Variants in HAUS1 observed in about 807,000 individuals in gnomAD.
The protein encoded by HAUS1 is HAUS augmin like complex subunit 1, also known as HAUS augmin-like complex subunit 1.
Under a neutral mutation model 38.6 loss-of-function variants are expected in HAUS1, and 25 were observed. That is an observed-to-expected ratio of 0.65 (90% CI 0.47 to 0.91). HAUS1 has a LOEUF of 0.91. Ranked by LOEUF, HAUS1 falls within the 40% of genes least tolerant of loss-of-function variation. HAUS1 has a pLI of 0.00. For missense variants in HAUS1, 325 were observed against 328.4 expected (o/e 0.99, Z 0.08); for synonymous variants, 109 against 112.9 (o/e 0.97, Z 0.22).
At chr18:46,115,870 A>C (rs1911783831) in intron 2 of HAUS1, among the ~76,000 whole-genome samples, 1 of 152,084 alleles carries the variant, frequency 6.6e-6, no homozygotes, top group African/African-American at 2.4e-5. Flanking sequence ...TAATCTCAGC[A>C]CTTCGGGAGG....
chr18:46,107,849 T>C (rs1911517176), intron 2 of HAUS1, among the ~76,000 whole-genome samples: 1 of 152,166 alleles, frequency 6.6e-6, no homozygotes, highest in Non-Finnish European at 1.5e-5. Context: ...ATAAAACTTT[T>C]AGATGAAGTT....
intron 5 of HAUS1, 69 bp from the exon 6 acceptor site, chr18:46,123,226 AAAAG>A: frequency 9.2e-7 from 1 of 1,092,724 alleles, no homozygotes; most frequent in African/African-American, 1.6e-5. Context: ...AAAAAGAAGA[AAAAG>A]AAAAATATTT....
At chr18:46,127,971 GT>G (rs1420675965) in intron 8 of HAUS1, 103 bp from the exon 9 acceptor site, 36 of 590,370 alleles carry the variant, frequency 6.1e-5, no homozygotes, top group Non-Finnish European at 8.3e-5. Context: ...AAAATTTTTT[GT>G]TCTAATGTTT....
intron 2 of HAUS1, 161 bp downstream of exon 2, chr18:46,105,529 T>A: frequency 1.7e-6 from 1 of 592,174 alleles, no homozygotes; most frequent in Non-Finnish European, 3.0e-6. Flanking sequence ...TATTGTTTTA[T>A]GTTTATATAT....
intron 2 of HAUS1, among the ~76,000 whole-genome samples, chr18:46,109,991 A>G (rs1911575664): frequency 6.6e-6 from 1 of 151,910 alleles, no homozygotes; most frequent in African/African-American, 2.4e-5. Context: ...TTATAATTCC[A>G]TAGTTACCAT....
At chr18:46,110,336 T>TG (rs1279920168) in intron 2 of HAUS1, among the ~76,000 whole-genome samples, 21 of 113,790 alleles carry the variant, frequency 1.8e-4, no homozygotes, top group Non-Finnish European at 3.5e-4. Context: ...TTTTAAGGTT[T>TG]TTTTTTTTTT....
At chr18:46,111,801 T>C (rs942192754) in intron 2 of HAUS1, among the ~76,000 whole-genome samples, 1 of 152,092 alleles carries the variant, frequency 6.6e-6, no homozygotes, top group African/African-American at 2.4e-5. Flanking sequence ...TTTTCTCTCC[T>C]TCTGGTACTT....
Position 46,128,272 on chromosome 18 carries a change from A to C in HAUS1, c.*147A>C. On this transcript the variant is annotated 3_prime_UTR_variant, in exon 9 of 9. Coordinates refer to ENST00000282058, the MANE Select transcript of HAUS1 (RefSeq NM_138443.4). ...CATAATTGATAGAATATGGTTTCTT[A>C]CTGTGTGTTGCATTTTTGTGCCCAA... 1 of 490,374 alleles carries C rather than the reference A, an allele frequency of 2.0e-6. No homozygotes were observed. The highest frequency in any genetic ancestry group is 3.7e-6 in the Non-Finnish European group (1 of 273,028). The allele number at this position is 490,374 out of a possible 1,614,324, so 30.4% of individuals were successfully genotyped here.
At chr18:46,110,333 G>GTTTTTTTTTTTTGTT (rs1911587830) in intron 2 of HAUS1, among the ~76,000 whole-genome samples, 4 of 50,014 alleles carry the variant, frequency 8.0e-5, no homozygotes, top group African/African-American at 2.6e-4. Context: ...TTTTTTTAAG[G>GTTTTTTTTTTTTGTT]TTTTTTTTTT....
intron 2 of HAUS1, among the ~76,000 whole-genome samples, chr18:46,110,855 T>G (rs1911612003): frequency 6.8e-6 from 1 of 147,740 alleles, no homozygotes; most frequent in Non-Finnish European, 1.5e-5. Flanking sequence ...TAACAGGTAG[T>G]TTTTTTTTTC....
chr18:46,127,865 T>C (rs1312299905), intron 8 of HAUS1, among the ~76,000 whole-genome samples: 1 of 152,148 alleles, frequency 6.6e-6, no homozygotes. Flanking sequence ...TTTCTTAGAA[T>C]CACTTAGGAG....
intron 4 of HAUS1, among the ~76,000 whole-genome samples, chr18:46,120,880 C>G (rs1015452993): frequency 6.6e-6 from 1 of 152,198 alleles, no homozygotes; most frequent in East Asian, 1.9e-4. Context: ...GCCACCGCAC[C>G]CAGCCTCCTG....
At chr18:46,107,614 C>G (rs928492157) in intron 2 of HAUS1, among the ~76,000 whole-genome samples, 3 of 152,152 alleles carry the variant, frequency 2.0e-5, no homozygotes, top group African/African-American at 7.2e-5. Context: ...AACTTTATAA[C>G]AAGTGTACAT....
intron 8 of HAUS1, among the ~76,000 whole-genome samples, chr18:46,126,168 G>C (rs1459894380): frequency 2.0e-5 from 3 of 152,050 alleles, no homozygotes; most frequent in African/African-American, 4.8e-5. Context: ...CCAGCTACTT[G>C]GGAGGCTGAG....
chr18:46,105,334 C>T lies in HAUS1; in HGVS notation c.171C>T (p.Asp57=), dbSNP rs372566658. Residue 57 remains aspartate (D), a synonymous_variant, in exon 2 of 9, where the codon GAC becomes GAT. Coordinates refer to ENST00000282058, the MANE Select transcript of HAUS1 (RefSeq NM_138443.4). The stretch of plus-strand genomic sequence containing the variant: ...GGGATGTCTACCTGGTAATAGAGGA[C>T]TTGAAGCAGAAAGCAAGTGAATACG... ...RDRDVYLVIE[D]LKQKASEYES... 96 of 1,612,938 alleles carry T rather than the reference C, an allele frequency of 6.0e-5. No homozygotes were observed. Among genetic ancestry groups the T allele is most frequent in the African/African-American group, 4.7e-4 (35 of 74,804 alleles).
At chr18:46,105,437 A>G in intron 2 of HAUS1, 69 bp downstream of exon 2, 7 of 1,343,170 alleles carry the variant, frequency 5.2e-6, no homozygotes, top group Non-Finnish European at 7.2e-6. Flanking sequence ...ACTAAAGTAT[A>G]CAGGATTAAT....
At chr18:46,105,164 T>G in intron 1 of HAUS1, 30 bp from the exon 2 acceptor site, 1 of 1,528,710 alleles carries the variant, frequency 6.5e-7, no homozygotes, top group Non-Finnish European at 9.0e-7. Flanking sequence ...AAACAAGGCT[T>G]ATAATATTTG....
intron 2 of HAUS1, among the ~76,000 whole-genome samples, chr18:46,116,264 A>T (rs1352033049): frequency 1.3e-5 from 2 of 152,126 alleles, no homozygotes; most frequent in Non-Finnish European, 2.9e-5. Flanking sequence ...AAGAACTCTT[A>T]CAACTCAATA....
At chr18:46,122,187 T>C (rs748450307) in intron 4 of HAUS1, among the ~76,000 whole-genome samples, 27 of 152,066 alleles carry the variant, frequency 1.8e-4, no homozygotes, top group Non-Finnish European at 2.9e-4. Flanking sequence ...GGCATGTGTC[T>C]GTAGCCCTGG....
Sources: allele counts gnomAD v4.1 joint callset (sites outside exome capture counted in the v4.1 genomes callset), GRCh38; gene constraint gnomAD v4.1.1; transcripts MANE v1.5; gene names NCBI Gene and HGNC (gene_info 2026-07-23, HGNC 2026-07-21).